Variants in ADAM28 observed in about 807,000 individuals in gnomAD.
The protein encoded by ADAM28 is disintegrin and metalloproteinase domain-containing protein 28.
In ADAM28, 105 loss-of-function variants were observed where a neutral mutation model predicts 101.2. The ratio of observed to expected loss-of-function variants is 1.04; its 90% CI spans 0.89 to 1.22. The LOEUF is 1.22. Ranked by LOEUF, ADAM28 falls within the 50% of genes most tolerant of loss-of-function variation. The pLI, the probability that ADAM28 is intolerant of heterozygous loss-of-function variation, is 0.00. For synonymous variants in ADAM28, 322 were observed against 310.6 expected (o/e 1.04, Z -0.39); for missense variants, 1,028 against 945.4 (o/e 1.09, Z -1.15).
At chr8:24,328,730 C>G (rs1254374870) in intron 10 of ADAM28, among the ~76,000 whole-genome samples, 1 of 151,990 alleles carries the variant, frequency 6.6e-6, no homozygotes, top group Non-Finnish European at 1.5e-5. Flanking sequence ...GAGTTCAAGA[C>G]CAGCCTGGCC....
Position 24,300,089 on chromosome 8 carries a change from G to T in ADAM28, c.150+12G>T. 6.3e-7 allele frequency: 1 copy of T among 1,599,898 alleles called. No homozygotes were observed. Among genetic ancestry groups the T allele is most frequent in the South Asian group, 1.1e-5 (1 of 89,724 alleles). ...AGCCAGAGCAACAGGTACAGCTTTT[G>T]ATTTATCAAAGGATCTTGATTTGAG... On this transcript the variant is annotated intron_variant, in intron 2 of 22. Transcript: ENST00000265769.
intron 6 of ADAM28, among the ~76,000 whole-genome samples, chr8:24,317,853 C>T (rs568052078): frequency 4.1e-4 from 63 of 151,890 alleles, no homozygotes; most frequent in African/African-American, 1.5e-3. Context: ...CTAAGGATAC[C>T]AAGTAGCCAA....
At position 24,308,588 on chromosome 8, in the gene ADAM28, A is replaced by C. The variant is rs1810018601; in HGVS notation, c.151-1306A>C. The C allele has an allele frequency of 6.6e-6, 3 of 455,874 alleles. No individual in the cohort carries two copies. In the Admixed American group the frequency reaches 7.1e-5, roughly 11 times the overall value. 28.2% of individuals were successfully genotyped at this position (455,874 alleles called of 1,614,324 possible). On this transcript the variant is annotated intron_variant, in intron 2 of 22. Coordinates refer to ENST00000265769, the MANE Select transcript of ADAM28 (RefSeq NM_014265.6). The stretch of plus-strand genomic sequence containing the variant: ...GGCTTTCTTAATCCTGAACAGTAAG[A>C]GGTTATGACTATTCTGCATAACTTT...
intron 8 of ADAM28, among the ~76,000 whole-genome samples, chr8:24,323,400 T>G (rs1267705154): frequency 6.6e-6 from 1 of 151,990 alleles, no homozygotes; most frequent in Admixed American, 6.6e-5. Context: ...TTTCATCATA[T>G]CAAGTTACTT....
At chr8:24,299,382 C>A (rs1387987470) in intron 1 of ADAM28, among the ~76,000 whole-genome samples, 2 of 152,070 alleles carry the variant, frequency 1.3e-5, no homozygotes, top group Non-Finnish European at 2.9e-5. Flanking sequence ...GTTCTGTATG[C>A]AAAAATAAGG....
At chr8:24,338,985 A>G (rs1814432711) in intron 14 of ADAM28, among the ~76,000 whole-genome samples, 1 of 152,026 alleles carries the variant, frequency 6.6e-6, no homozygotes, top group Non-Finnish European at 1.5e-5. Context: ...ATATACTTTT[A>G]TATATGTGTA....
In ADAM28 at chr8:24,342,980, C is replaced by G. The variant is rs1814968984; in HGVS notation, c.1831-121C>G. 2.0e-6 allele frequency: 3 copies of G among 1,494,308 alleles called. No homozygotes were observed. The Admixed American group carries it at 6.7e-5, about 33-fold the overall frequency. The allele number at this position is 1,494,308 out of a possible 1,614,324, so 92.6% of individuals were successfully genotyped here. A position where few individuals can be genotyped will look rare whatever the true frequency, so the allele number is the denominator to read the frequency against. On this transcript the variant is annotated intron_variant, in intron 16 of 22. Transcript: ENST00000265769. ...AGAGCCCGTCTCTGTTTCCCTTCTT[C>G]TACATCAGCCTCCTGGCAGAGCCAC...
chr8:24,349,901 G>A lies in ADAM28; in HGVS notation c.2028G>A (p.Ala676=), dbSNP rs778089939. ...SIVVGVLFPM[A]VIFVVVAMVI... The stretch of plus-strand genomic sequence containing the variant: ...TGGTTGGGGTGCTGTTCCCAATGGC[G>A]GTCATTTTTGTGGTGGTTGCTATGG... Residue 676 remains alanine, a synonymous_variant, in exon 19 of 23, where the codon GCG becomes GCA. Coordinates refer to ENST00000265769, the MANE Select transcript of ADAM28 (RefSeq NM_014265.6). The A allele has an allele frequency of 6.7e-5, 108 of 1,613,530 alleles. 1 individual carries two copies. In the South Asian group the frequency reaches 1.1e-3, roughly 17 times the overall value.
chr8:24,351,174 C>G (rs1816075100), intron 19 of ADAM28, 58 bp from the exon 20 acceptor site: 1 of 1,361,414 alleles, frequency 7.3e-7, no homozygotes. Context: ...TACGGAGTTT[C>G]CCTGTCATGC....
chr8:24,348,011 G>A (rs74881844), intron 18 of ADAM28, among the ~76,000 whole-genome samples: 9,691 of 151,904 alleles, frequency 0.064, 431 homozygotes, highest in Middle Eastern at 0.12. Flanking sequence ...AACTTAGTCC[G>A]TTTAAATTAA....
chr8:24,356,341 G>A lies in ADAM28; in HGVS notation c.*1937G>A, dbSNP rs1304334053. 1 of 152,046 alleles carries A rather than the reference G, an allele frequency of 6.6e-6. No individual in the cohort carries two copies. Among genetic ancestry groups the A allele is most frequent in the African/African-American group, 2.4e-5 (1 of 41,392 alleles). 9.4% of individuals were successfully genotyped at this position (152,046 alleles called of 1,614,324 possible). A position where few individuals can be genotyped will look rare whatever the true frequency, so the allele number is the denominator to read the frequency against. ...TCACCTAATCCTTTTTTATACTGATGGAATGGAAATCTTAAATCTATGAAT... is the reference window on the plus strand; with the variant it reads ...TCACCTAATCCTTTTTTATACTGATAGAATGGAAATCTTAAATCTATGAAT... On this transcript the variant is annotated 3_prime_UTR_variant, in exon 23 of 23. Transcript: ENST00000265769.
chr8:24,300,092 T>G lies in ADAM28; in HGVS notation c.150+15T>G. The G allele has an allele frequency of 6.3e-7, 1 of 1,595,764 alleles. No homozygotes were observed. The highest frequency in any genetic ancestry group is 8.6e-7 in the Non-Finnish European group (1 of 1,167,682). On this transcript the variant is annotated intron_variant, in intron 2 of 22. Transcript: ENST00000265769. ...CAGAGCAACAGGTACAGCTTTTGAT[T>G]TATCAAAGGATCTTGATTTGAGATA...
chr8:24,335,237 T>C (rs1156303463), intron 13 of ADAM28, among the ~76,000 whole-genome samples: 1 of 152,068 alleles, frequency 6.6e-6, no homozygotes. Flanking sequence ...TTCAGAAATA[T>C]TGCTTAAAAA....
chr8:24,335,316 G>C (rs1813876750), intron 13 of ADAM28, 130 bp from the exon 14 acceptor site: 1 of 1,397,468 alleles, frequency 7.2e-7, no homozygotes, highest in East Asian at 2.5e-5. Flanking sequence ...GACAATGTAA[G>C]CTTCAGTGAA....
intron 15 of ADAM28, 42 bp downstream of exon 15, chr8:24,339,610 G>A: frequency 6.8e-7 from 1 of 1,478,848 alleles, no homozygotes; most frequent in East Asian, 2.3e-5. Context: ...ACAGACTAGA[G>A]CAATGGTACA....
At chr8:24,319,885 G>A (rs373538462) in intron 6 of ADAM28, among the ~76,000 whole-genome samples, 8 of 151,934 alleles carry the variant, frequency 5.3e-5, no homozygotes, top group African/African-American at 1.9e-4. Flanking sequence ...AAAACACTAG[G>A]AGGATGCTGA....
In ADAM28 at chr8:24,309,975, G is replaced by A; in HGVS notation, c.227+5G>A. ...GCTTTATTTGAAAAAAAACAAGTAA[G>A]TATCTTTACCTGTGATATTATCCTC... On this transcript the variant is annotated splice_donor_5th_base_variant and intron_variant, in intron 3 of 22. Transcript: ENST00000265769. 6.4e-7 allele frequency: 1 copy of A among 1,550,806 alleles called. No individual in the cohort carries two copies. Among genetic ancestry groups the A allele is most frequent in the South Asian group, 1.1e-5 (1 of 88,992 alleles).
At chr8:24,348,963 A>G (rs1815743006) in intron 18 of ADAM28, among the ~76,000 whole-genome samples, 1 of 152,086 alleles carries the variant, frequency 6.6e-6, no homozygotes, top group African/African-American at 2.4e-5. Flanking sequence ...TCACTGTTTT[A>G]TTTTCCTTTG....
At chr8:24,297,347 G>C (rs1808105128) in intron 1 of ADAM28, among the ~76,000 whole-genome samples, 1 of 152,152 alleles carries the variant, frequency 6.6e-6, no homozygotes, top group Non-Finnish European at 1.5e-5. Flanking sequence ...TAGAAGCATA[G>C]AGGTCAGGGT....
Sources: allele counts gnomAD v4.1 joint callset (sites outside exome capture counted in the v4.1 genomes callset), GRCh38; gene constraint gnomAD v4.1.1; transcripts MANE v1.5; gene names NCBI Gene and HGNC (gene_info 2026-07-23, HGNC 2026-07-21).